Variants in SCGN observed in about 807,000 individuals in gnomAD.
SCGN encodes secretagogin.
Under a neutral mutation model 39.7 loss-of-function variants are expected in SCGN, and 30 were observed. The ratio of observed to expected loss-of-function variants is 0.76; its 90% CI spans 0.57 to 1.03. SCGN has a LOEUF of 1.03. Ranked by LOEUF, SCGN falls within the 50% of genes least tolerant of loss-of-function variation. The probability of loss-of-function intolerance (pLI) is 0.00; values close to 1 mark genes in which losing one functional copy is unlikely to be tolerated. For synonymous variants in SCGN, 106 were observed against 114.1 expected (o/e 0.93, Z 0.45); for missense variants, 353 against 349.4 (o/e 1.01, Z -0.08).
chr6:25,669,436 G>C, intron 4 of SCGN, 75 bp from the exon 5 acceptor site: 1 of 1,235,962 alleles, frequency 8.1e-7, no homozygotes, highest in Non-Finnish European at 1.2e-6. Flanking sequence ...TTCAGATGCT[G>C]AACTGTAGTA....
chr6:25,657,804 T>C (rs1442176907), intron 2 of SCGN, among the ~76,000 whole-genome samples: 1 of 150,748 alleles, frequency 6.6e-6, no homozygotes, highest in Non-Finnish European at 1.5e-5. Flanking sequence ...CACCACTCTT[T>C]GGTCCTTCAT....
chr6:25,673,697 A>C (rs536981089), intron 6 of SCGN, among the ~76,000 whole-genome samples: 3 of 152,284 alleles, frequency 2.0e-5, no homozygotes, highest in African/African-American at 7.2e-5. Flanking sequence ...TGCTGCAGTT[A>C]AGTACTCATT....
chr6:25,667,564 A>G, intron 4 of SCGN, among the ~76,000 whole-genome samples: 1 of 152,156 alleles, frequency 6.6e-6, no homozygotes, highest in East Asian at 1.9e-4. Flanking sequence ...AACCCCACAA[A>G]TTTTATGCAG....
At chr6:25,687,381 C>T (rs772253377) in intron 7 of SCGN, among the ~76,000 whole-genome samples, 44 of 152,170 alleles carry the variant, frequency 2.9e-4, no homozygotes, top group South Asian at 1.5e-3. Context: ...TTGTAGTTTT[C>T]GGTCTACAAA....
In SCGN at chr6:25,689,533, G is replaced by T. The variant is rs1450020076; in HGVS notation, c.633+1G>T. Reference sequence around the variant, plus strand: ...GAAAATCTTTGCCTACTATGATGTTGTAAGTGTGCGTCTTTATACTGTGCT... The same window carrying T: ...GAAAATCTTTGCCTACTATGATGTTTTAAGTGTGCGTCTTTATACTGTGCT... On this transcript the variant is annotated splice_donor_variant, in intron 9 of 10. Coordinates refer to ENST00000377961, the MANE Select transcript of SCGN (RefSeq NM_006998.4). LOFTEE classifies it high-confidence loss of function. 1 of 1,612,850 alleles carries T rather than the reference G, an allele frequency of 6.2e-7. No individual in the cohort carries two copies. Among genetic ancestry groups the T allele is most frequent in the Non-Finnish European group, 8.5e-7 (1 of 1,178,888 alleles).
At chr6:25,677,731 C>G (rs1486458659) in intron 6 of SCGN, among the ~76,000 whole-genome samples, 1 of 152,098 alleles carries the variant, frequency 6.6e-6, no homozygotes, top group African/African-American at 2.4e-5. Context: ...ATGGTAGTTA[C>G]CACTAGAACA....
intron 10 of SCGN, among the ~76,000 whole-genome samples, chr6:25,699,762 T>C (rs1759885231): frequency 6.6e-6 from 1 of 152,146 alleles, no homozygotes; most frequent in Non-Finnish European, 1.5e-5. Flanking sequence ...TGCTTAGTTC[T>C]GATTGGTTAT....
At chr6:25,674,290 C>A (rs1490278960) in intron 6 of SCGN, among the ~76,000 whole-genome samples, 2 of 152,180 alleles carry the variant, frequency 1.3e-5, no homozygotes, top group African/African-American at 4.8e-5. Flanking sequence ...GATCAGAAGA[C>A]AAAATGAGTT....
chr6:25,685,161 C>T (rs1279604341), intron 7 of SCGN, among the ~76,000 whole-genome samples: 2 of 152,002 alleles, frequency 1.3e-5, no homozygotes, highest in Non-Finnish European at 2.9e-5. Flanking sequence ...GAGGCCGTGT[C>T]GACAGCTTGA....
At chr6:25,697,447 G>A (rs1015122090) in intron 10 of SCGN, among the ~76,000 whole-genome samples, 5 of 152,232 alleles carry the variant, frequency 3.3e-5, no homozygotes, top group African/African-American at 1.2e-4. Flanking sequence ...CTCTAATTCA[G>A]TTCCTCTAGT....
chr6:25,669,531 T>G lies in SCGN; in HGVS notation c.357T>G (p.Ala119=), dbSNP rs371985858. ...EFMQIWRKYD[A]DSSGFISAAE... ...TTCAGATTTGGCGCAAATATGACGCTGACAGCAGTGGCTTTATATCAGCTG... is the reference window on the plus strand; with the variant it reads ...TTCAGATTTGGCGCAAATATGACGCGGACAGCAGTGGCTTTATATCAGCTG... Residue 119 remains alanine (A), a synonymous_variant, in exon 5 of 11, where the codon GCT becomes GCG. Coordinates refer to ENST00000377961, the MANE Select transcript of SCGN (RefSeq NM_006998.4). 1 of 1,613,766 alleles carries G rather than the reference T, an allele frequency of 6.2e-7. No individual in the cohort carries two copies. The highest frequency in any genetic ancestry group is 1.7e-5 in the Admixed American group (1 of 60,018).
Position 25,701,478 on chromosome 6 carries a change from C to T in SCGN, c.*143C>T. 1.0e-6 allele frequency: 1 copy of T among 972,246 alleles called. No individual in the cohort carries two copies. Among genetic ancestry groups the T allele is most frequent in the South Asian group, 1.6e-5 (1 of 61,322 alleles). 60.2% of individuals were successfully genotyped at this position (972,246 alleles called of 1,614,324 possible). On this transcript the variant is annotated 3_prime_UTR_variant, in exon 11 of 11. Coordinates refer to ENST00000377961, the MANE Select transcript of SCGN (RefSeq NM_006998.4). Reference sequence around the variant, plus strand: ...TGGGCAAGAACAGGGACGCTAGGGCCTTCCTTCCACCGGCGTGATCTATCC... The same window carrying T: ...TGGGCAAGAACAGGGACGCTAGGGCTTTCCTTCCACCGGCGTGATCTATCC...
chr6:25,689,206 T>G lies in SCGN; in HGVS notation c.562T>G (p.Phe188Val). Residue 188 changes from phenylalanine to valine, a missense_variant, in exon 8 of 11, where the codon TTT (phenylalanine) becomes GTT (valine). Phe to Val is a conservative substitution (Grantham distance 50, BLOSUM62 -1). Coordinates refer to ENST00000377961, the MANE Select transcript of SCGN (RefSeq NM_006998.4). Reference sequence around the variant, plus strand: ...TCTTCAGGAAAACTTCCTTCTCCAATTTAAAATGGATGTAAGTAGTGACAT... The same window carrying G: ...TCTTCAGGAAAACTTCCTTCTCCAAGTTAAAATGGATGTAAGTAGTGACAT... Reference protein sequence around the residue: ...LALQENFLLQFKMDACSTEER... With the variant: ...LALQENFLLQVKMDACSTEER... 1 of 1,596,142 alleles carries G rather than the reference T, an allele frequency of 6.3e-7. No individual in the cohort carries two copies.
intron 6 of SCGN, among the ~76,000 whole-genome samples, chr6:25,674,543 T>C (rs1449759042): frequency 6.6e-6 from 1 of 152,244 alleles, no homozygotes; most frequent in Non-Finnish European, 1.5e-5. Context: ...TGGATTTTTA[T>C]TGAGCAATGG....
chr6:25,689,928 C>G, intron 9 of SCGN, among the ~76,000 whole-genome samples: 1 of 151,890 alleles, frequency 6.6e-6, no homozygotes, highest in Middle Eastern at 3.4e-3. Flanking sequence ...CTTGTAGAAC[C>G]AATTATTTGA....
At chr6:25,659,606 G>A (rs186375888) in intron 2 of SCGN, among the ~76,000 whole-genome samples, 44 of 152,086 alleles carry the variant, frequency 2.9e-4, no homozygotes, top group African/African-American at 9.6e-4. Context: ...GGAATCATAC[G>A]TTTTGATTTA....
At chr6:25,671,568 T>A (rs888479950) in intron 6 of SCGN, among the ~76,000 whole-genome samples, 1 of 152,232 alleles carries the variant, frequency 6.6e-6, no homozygotes, top group Non-Finnish European at 1.5e-5. Context: ...TTCAGCTTCT[T>A]ACGGTGTTGA....
chr6:25,678,446 G>A (rs947277727), intron 6 of SCGN, among the ~76,000 whole-genome samples: 3 of 151,906 alleles, frequency 2.0e-5, no homozygotes, highest in African/African-American at 7.3e-5. Context: ...AGTACTTGGG[G>A]GCACATCACA....
intron 7 of SCGN, among the ~76,000 whole-genome samples, chr6:25,685,137 C>T (rs898288130): frequency 3.9e-5 from 6 of 152,184 alleles, no homozygotes; most frequent in African/African-American, 1.4e-4. Context: ...TCCCCGAGAA[C>T]CTCCAGAAGG....
Sources: gnomAD v4.1 joint callset for allele counts (sites outside exome capture counted in the v4.1 genomes callset) on GRCh38, gnomAD v4.1.1 for gene constraint, MANE v1.5 for transcripts, NCBI Gene and HGNC (gene_info 2026-07-23, HGNC 2026-07-21) for gene names.